CADM1: variants seen among roughly 807,000 people sequenced by gnomAD.
CADM1 encodes cell adhesion molecule 1.
A neutral mutation model predicts 53.1 loss-of-function variants in CADM1; 15 were observed. The ratio of observed to expected loss-of-function variants is 0.28; its 90% CI spans 0.19 to 0.44. CADM1 has a LOEUF of 0.44. CADM1 is among the 20% of genes least tolerant of loss of function. The pLI, the probability that CADM1 is intolerant of heterozygous loss-of-function variation, is 1.00. For missense variants in CADM1, 434 were observed against 611.3 expected (o/e 0.71, Z 3.06); for synonymous variants, 281 against 243.0 (o/e 1.16, Z -1.45).
chr11:115,333,079 A>G (rs1269424123), intron 1 of CADM1, among the ~76,000 whole-genome samples: 1 of 152,050 alleles, frequency 6.6e-6, no homozygotes. Context: ...CAGTTCTTCA[A>G]AATCAAAGCT....
At chr11:115,404,361 A>G (rs1947256039) in intron 1 of CADM1, among the ~76,000 whole-genome samples, 1 of 48,398 alleles carries the variant, frequency 2.1e-5, no homozygotes, top group African/African-American at 5.6e-5. Context: ...ATATATATAT[A>G]TATATATATA....
intron 5 of CADM1, among the ~76,000 whole-genome samples, chr11:115,222,162 G>C (rs761182096): frequency 2.0e-5 from 3 of 152,156 alleles, no homozygotes. Flanking sequence ...GAGCACAGAT[G>C]ATATCAGAAT....
In CADM1 at chr11:115,169,300, G is replaced by A. The variant is rs768450821; in HGVS notation, c.*7174C>T. ...ATTGGTGATCTTGGCTGGGGCTAAC[G>A]TGACTCAAGGCCCTTCTCGATGCAT... On this transcript the variant is annotated 3_prime_UTR_variant, in exon 12 of 12. Coordinates refer to ENST00000331581, the MANE Select transcript of CADM1 (RefSeq NM_001301043.2). The A allele has an allele frequency of 1.1e-5, 2 of 187,162 alleles. No individual in the cohort carries two copies. The highest frequency in any genetic ancestry group is 2.2e-5 in the Non-Finnish European group (2 of 91,112). The allele number at this position is 187,162 out of a possible 1,614,324, so 11.6% of individuals were successfully genotyped here. A position where few individuals can be genotyped will look rare whatever the true frequency, so the allele number is the denominator to read the frequency against.
intron 1 of CADM1, among the ~76,000 whole-genome samples, chr11:115,378,241 C>T (rs562431888): frequency 6.6e-6 from 1 of 152,202 alleles, no homozygotes; most frequent in East Asian, 1.9e-4. Context: ...CTGACAGCAT[C>T]CTCAGGACTA....
At chr11:115,389,300 C>T (rs560303243) in intron 1 of CADM1, among the ~76,000 whole-genome samples, 1 of 152,234 alleles carries the variant, frequency 6.6e-6, no homozygotes, top group East Asian at 1.9e-4. Flanking sequence ...ATGTAAACAA[C>T]AACAACAGAC....
chr11:115,445,882 C>A (rs1306458602), intron 1 of CADM1: 3 of 378,972 alleles, frequency 7.9e-6, no homozygotes, highest in South Asian at 5.9e-5. Context: ...ACAATTATAA[C>A]AATGTACTGC....
At chr11:115,195,730 T>A (rs1940112718) in intron 9 of CADM1, among the ~76,000 whole-genome samples, 1 of 152,218 alleles carries the variant, frequency 6.6e-6, no homozygotes, top group Non-Finnish European at 1.5e-5. Context: ...TCCACCACGT[T>A]CTATTACCTT....
Position 115,175,259 on chromosome 11 carries a change from A to G in CADM1, c.*1215T>C, listed in dbSNP as rs1175131773. 6 of 985,664 alleles carry G rather than the reference A, an allele frequency of 6.1e-6. No homozygotes were observed. The highest frequency in any genetic ancestry group is 4.7e-5 in the South Asian group (1 of 21,272). 61.1% of individuals were successfully genotyped at this position (985,664 alleles called of 1,614,324 possible). A position where few individuals can be genotyped will look rare whatever the true frequency, so the allele number is the denominator to read the frequency against. ...GTACCTCCTGCCTTTGTCAAGCCAAATCTGAAGGAATGAAAGTTTCACACA... is the reference window on the plus strand; with the variant it reads ...GTACCTCCTGCCTTTGTCAAGCCAAGTCTGAAGGAATGAAAGTTTCACACA... On this transcript the variant is annotated 3_prime_UTR_variant, in exon 12 of 12. Transcript: ENST00000331581.
In CADM1 at chr11:115,209,611, G is replaced by A; in HGVS notation, c.1041C>T (p.Thr347=). 1.2e-6 allele frequency: 2 copies of A among 1,613,086 alleles called. No homozygotes were observed. Among genetic ancestry groups the A allele is most frequent in the Non-Finnish European group, 1.7e-6 (2 of 1,179,696 alleles). ...TAAGGATGGTGGTGGTGGTGGTGGT[G>A]GTGGTGGTGGTGGTTGTTGTGGGAG... is the stretch of plus-strand genomic sequence containing the variant. The part of the protein sequence containing the change: ...IPPPTTTTTT[T]TTTTTTILTI... The change falls in exon 8 of 12, where the codon ACC becomes ACT. Residue 347 remains threonine, a synonymous_variant. Coordinates refer to ENST00000331581, the MANE Select transcript of CADM1 (RefSeq NM_001301043.2).
chr11:115,303,979 T>A (rs907560673), intron 1 of CADM1, among the ~76,000 whole-genome samples: 2 of 152,056 alleles, frequency 1.3e-5, no homozygotes, highest in African/African-American at 4.8e-5. Context: ...AATTATTCAG[T>A]GTATACAGCT....
intron 1 of CADM1, among the ~76,000 whole-genome samples, chr11:115,364,559 A>AG (rs1314639105): frequency 1.3e-5 from 2 of 151,408 alleles, no homozygotes; most frequent in African/African-American, 4.9e-5. Context: ...CTAGGAAGAA[A>AG]AAAAAAAGCC....
rs192753118 is a variant in CADM1 at position 115,419,470 on chromosome 11, A to T, written c.124+84801T>A. ...CCCCTGCCTTTAAGAAACACACCAT[A>T]AAGAGACATAATCCTTTTGAGTCTT... On this transcript the variant is annotated intron_variant, in intron 1 of 11. Transcript: ENST00000331581. Among the ~76,000 whole-genome samples the T allele has an allele frequency of 7.8e-3, 1,191 of 152,308 alleles. 6 individuals are homozygous for T. The highest frequency in any genetic ancestry group is 0.013 in the Non-Finnish European group (888 of 68,024).
chr11:115,461,328 TATCTC>T (rs1212924296), intron 1 of CADM1, among the ~76,000 whole-genome samples: 2 of 152,134 alleles, frequency 1.3e-5, no homozygotes, highest in African/African-American at 4.8e-5. Flanking sequence ...GGGTAAATAA[TATCTC>T]AAAGAATGGA....
intron 1 of CADM1, among the ~76,000 whole-genome samples, chr11:115,353,437 C>T (rs1945787257): frequency 6.6e-6 from 1 of 152,210 alleles, no homozygotes; most frequent in Non-Finnish European, 1.5e-5. Context: ...TAAATAGCGG[C>T]ATGTTGCTAT....
intron 1 of CADM1, among the ~76,000 whole-genome samples, chr11:115,360,951 T>A (rs567285739): frequency 6.6e-6 from 1 of 152,360 alleles, no homozygotes; most frequent in African/African-American, 2.4e-5. Flanking sequence ...AATCACTATT[T>A]ACTGACTACA....
At position 115,356,606 on chromosome 11, in the gene CADM1, A is replaced by T. The variant is rs539696775; in HGVS notation, c.125-116186T>A. Among the ~76,000 whole-genome samples the T allele has an allele frequency of 1.2e-4, 19 of 152,286 alleles. No homozygotes were observed. The South Asian group carries it at 3.1e-3, about 25-fold the overall frequency. On this transcript the variant is annotated intron_variant, in intron 1 of 11. Transcript: ENST00000331581. ...CATATCCTTATAAGGGATTTTTTTT[A>T]AATGTGGCTATACAACATTTCAAGT...
chr11:115,338,873 T>A (rs75059528), intron 1 of CADM1, among the ~76,000 whole-genome samples: 4 of 36,558 alleles, frequency 1.1e-4, no homozygotes, highest in East Asian at 4.0e-4. Context: ...CTTTTATTTT[T>A]TTTATTTTTT....
At chr11:115,289,302 T>A (rs1437541578) in intron 1 of CADM1, among the ~76,000 whole-genome samples, 1 of 151,764 alleles carries the variant, frequency 6.6e-6, no homozygotes, top group African/African-American at 2.4e-5. Flanking sequence ...AGGGTGGAGG[T>A]TGCAGTGAGC....
At chr11:115,263,177 C>A (rs376120510) in intron 1 of CADM1, among the ~76,000 whole-genome samples, 1 of 152,214 alleles carries the variant, frequency 6.6e-6, no homozygotes, top group Non-Finnish European at 1.5e-5. Context: ...CTTGATCCAT[C>A]GGTCAAGGTG....
Sources: allele counts gnomAD v4.1 joint callset (sites outside exome capture counted in the v4.1 genomes callset), GRCh38; gene constraint gnomAD v4.1.1; transcripts MANE v1.5; gene names NCBI Gene and HGNC (gene_info 2026-07-23, HGNC 2026-07-21).